POLR1A: variants seen among roughly 807,000 people sequenced by gnomAD.
POLR1A encodes the protein DNA-directed RNA polymerase I subunit RPA1.
POLR1A carries 84 observed loss-of-function variants against 205.3 expected under a neutral mutation model. The ratio of observed to expected loss-of-function variants is 0.41; its 90% confidence interval spans 0.34 to 0.49. The LOEUF is 0.49. Among genes scored for constraint, POLR1A ranks in the 20% least tolerant of loss-of-function variants. The pLI is 0.22. For missense variants in POLR1A, 1,645 were observed against 2,204.5 expected, an observed-to-expected ratio of 0.75 and a Z score of 5.08; for synonymous variants, 799 against 863.7, an observed-to-expected ratio of 0.93 and a Z score of 1.31.
At chr2:86,072,226 C>T (rs1673191462) in intron 12 of POLR1A, among the ~76,000 whole-genome samples, 2 of 152,182 alleles carry the variant, frequency 1.3e-5, no homozygotes, top group South Asian at 2.1e-4. Context: ...GAATTCAAAC[C>T]TTCCCCTCCC....
chr2:86,040,259 T>G, intron 25 of POLR1A, 133 bp downstream of exon 25: 49 of 710,284 alleles, frequency 6.9e-5, no homozygotes, highest in East Asian at 9.6e-5. Flanking sequence ...CCCACTTTAA[T>G]GAGACCCTGT....
intron 14 of POLR1A, among the ~76,000 whole-genome samples, chr2:86,062,141 T>G (rs531060586): frequency 6.6e-6 from 1 of 152,314 alleles, no homozygotes; most frequent in Admixed American, 6.5e-5. Flanking sequence ...ATCTTCTGAT[T>G]CTAAACATGG....
chr2:86,025,985 C>T lies in POLR1A; in HGVS notation c.*1438G>A, dbSNP rs977423415. On this transcript the variant is annotated 3_prime_UTR_variant, in exon 34 of 34. Transcript: ENST00000263857. The stretch of plus-strand genomic sequence containing the variant: ...CCTATTGCATGGATGTAGGGAGCAA[C>T]ATGGTCACTCTCCCTTGACAAAGCC... 2.0e-5 allele frequency: 3 copies of T among 152,256 alleles called. No homozygotes were observed. The highest frequency in any genetic ancestry group is 7.2e-5 in the African/African-American group (3 of 41,442). 9.4% of individuals were successfully genotyped at this position (152,256 alleles called of 1,614,324 possible). A position where few individuals can be genotyped will look rare whatever the true frequency, so the allele number is the denominator to read the frequency against.
intron 18 of POLR1A, among the ~76,000 whole-genome samples, chr2:86,047,778 A>AG (rs1245450479): frequency 6.6e-6 from 1 of 152,168 alleles, no homozygotes; most frequent in Non-Finnish European, 1.5e-5. Context: ...ATGCCCCTTC[A>AG]GGGGGATCCT....
At chr2:86,099,129 T>C (rs758797737) in intron 2 of POLR1A, among the ~76,000 whole-genome samples, 9 of 152,046 alleles carry the variant, frequency 5.9e-5, no homozygotes, top group Non-Finnish European at 1.3e-4. Context: ...TGAGGCCAGT[T>C]ACTTGAGGCC....
At position 86,022,844 on chromosome 2, in the gene POLR1A, T is replaced by A. The variant is rs959623348; in HGVS notation, c.*4579A>T. On this transcript the variant is annotated 3_prime_UTR_variant, in exon 34 of 34. Coordinates refer to ENST00000263857, the MANE Select transcript of POLR1A (RefSeq NM_015425.6). The stretch of plus-strand genomic sequence containing the variant: ...ATCCTCCTGCCTGAGTCTCTTAAAG[T>A]GCTGGGACTGTAAGCGTGAGCCACT... The A allele has an allele frequency of 4.6e-5, 7 of 152,148 alleles. No individual in the cohort carries two copies. The highest frequency in any genetic ancestry group is 7.2e-5 in the African/African-American group (3 of 41,418). The allele number at this position is 152,148 out of a possible 1,614,324, so 9.4% of individuals were successfully genotyped here. A position where few individuals can be genotyped will look rare whatever the true frequency, so the allele number is the denominator to read the frequency against.
intron 14 of POLR1A, among the ~76,000 whole-genome samples, chr2:86,061,806 A>G (rs1053814224): frequency 2.2e-5 from 3 of 133,480 alleles, no homozygotes; most frequent in Middle Eastern, 3.7e-3. Context: ...GTTGGAAGTC[A>G]AGTTAGTAAT....
At chr2:86,100,876 CTCA>C (rs1673807832) in intron 1 of POLR1A, among the ~76,000 whole-genome samples, 2 of 152,078 alleles carry the variant, frequency 1.3e-5, no homozygotes, top group African/African-American at 4.8e-5. Flanking sequence ...CTCTGAAATA[CTCA>C]TCACTACATG....
At chr2:86,041,825 T>A in intron 24 of POLR1A, 64 bp downstream of exon 24, 1 of 1,385,572 alleles carries the variant, frequency 7.2e-7, no homozygotes, top group Non-Finnish European at 1.0e-6. Context: ...GGGCAGGGGC[T>A]AGGAGGCAGG....
intron 14 of POLR1A, among the ~76,000 whole-genome samples, chr2:86,060,446 G>C (rs551970714): frequency 6.6e-6 from 1 of 152,222 alleles, no homozygotes; most frequent in African/African-American, 2.4e-5. Flanking sequence ...TTTACTATCA[G>C]AAGTCAAGAT....
At position 86,027,435 on chromosome 2, in the gene POLR1A, C is replaced by T. The variant is rs372394583; in HGVS notation, c.5151G>A (p.Gln1717=). The T allele has an allele frequency of 3.7e-6, 6 of 1,614,056 alleles. No individual in the cohort carries two copies. In the Admixed American group the frequency reaches 8.3e-5, roughly 22 times the overall value. ...GCCGGGGTAGCTGCTATCTCAGAGG[C>T]TGCTTGAGCTCGAACAGGCCTGTCC... is the stretch of plus-strand genomic sequence containing the variant. The part of the protein sequence containing the change: ...RGGTGLFELK[Q]PLR The change falls in exon 34 of 34, where the codon CAG becomes CAA. Residue 1717 remains glutamine, a synonymous_variant. Transcript: ENST00000263857.
At chr2:86,046,298 A>T (rs1044270030) in intron 19 of POLR1A, among the ~76,000 whole-genome samples, 14 of 145,358 alleles carry the variant, frequency 9.6e-5, no homozygotes, top group African/African-American at 4.0e-4. Context: ...ACAAAACACA[A>T]CAACAACAAC....
rs1222835759 is a variant in POLR1A at position 86,077,809 on chromosome 2, GCGCACA to G, written c.1380+44_1380+49del. ...GAGCAAATGAGCCCTGCACGCGCGCGCGCACACACACACACACACACACACACACAC... is the reference window on the plus strand; with the variant it reads ...GAGCAAATGAGCCCTGCACGCGCGCGCACACACACACACACACACACACAC... On this transcript the variant is annotated intron_variant, in intron 11 of 33. Transcript: ENST00000263857. The G allele has an allele frequency of 7.4e-3, 9,639 of 1,299,664 alleles. 633 individuals are homozygous for G. The highest frequency in any genetic ancestry group is 0.049 in the African/African-American group (3,144 of 64,546). 80.5% of individuals were successfully genotyped at this position (1,299,664 alleles called of 1,614,324 possible). A position where few individuals can be genotyped will look rare whatever the true frequency, so the allele number is the denominator to read the frequency against.
intron 27 of POLR1A, among the ~76,000 whole-genome samples, chr2:86,035,716 C>T (rs1672482651): frequency 6.6e-6 from 1 of 152,210 alleles, no homozygotes; most frequent in African/African-American, 2.4e-5. Context: ...CTGCCAGTAA[C>T]TTCCCTGGCC....
At chr2:86,100,535 CTTT>C (rs568031636) in intron 1 of POLR1A, among the ~76,000 whole-genome samples, 4 of 137,592 alleles carry the variant, frequency 2.9e-5, no homozygotes, top group Non-Finnish European at 4.8e-5. Flanking sequence ...ATTATTCTGT[CTTT>C]TTTTTTTTTT....
At position 86,045,352 on chromosome 2, in the gene POLR1A, G is replaced by A. The variant is rs1253832222; in HGVS notation, c.2895C>T (p.Phe965=). The A allele has an allele frequency of 6.2e-7, 1 of 1,612,948 alleles. No individual in the cohort carries two copies. The highest frequency in any genetic ancestry group is 1.7e-5 in the Admixed American group (1 of 60,012). Residue 965 remains phenylalanine, a synonymous_variant, in exon 21 of 34, where the codon TTC becomes TTT. Transcript: ENST00000263857. ...CCTCTCGTCCTGCCATGCAGTGGAA[G>A]AAGAACTCCTGCAGAGAATGGGACC... ...FLTGIKPPEF[F]FHCMAGREGL... is the part of the protein sequence containing the mutation.
rs1672556168 is a variant in POLR1A at position 86,039,321 on chromosome 2, C to T, written c.3876+6G>A. 4 of 1,613,716 alleles carry T rather than the reference C, an allele frequency of 2.5e-6. No homozygotes were observed. Among genetic ancestry groups the T allele is most frequent in the Non-Finnish European group, 2.5e-6 (3 of 1,179,958 alleles). On this transcript the variant is annotated splice_donor_region_variant and intron_variant, in intron 26 of 33. Coordinates refer to ENST00000263857, the MANE Select transcript of POLR1A (RefSeq NM_015425.6). Reference sequence around the variant, plus strand: ...CCGTCTGCAACCTGGGAAGGAGAGACGTTACCTCCCCCAAGCACACCCTGG... The same window carrying T: ...CCGTCTGCAACCTGGGAAGGAGAGATGTTACCTCCCCCAAGCACACCCTGG...
At chr2:86,093,640 C>G (rs111862104) in intron 3 of POLR1A, among the ~76,000 whole-genome samples, 1 of 152,082 alleles carries the variant, frequency 6.6e-6, no homozygotes, top group East Asian at 1.9e-4. Flanking sequence ...CCAGCCCGGC[C>G]AAAACAGCAA....
rs1672831241 is a variant in POLR1A at position 86,052,950 on chromosome 2, G to A, written c.2259C>T (p.His753=). 1.2e-6 allele frequency: 2 copies of A among 1,608,608 alleles called. No individual in the cohort carries two copies. The highest frequency in any genetic ancestry group is 1.7e-6 in the Non-Finnish European group (2 of 1,177,262). The part of the protein sequence containing the change: ...ELLCGVLDKA[H]YGSSAYGLVH... Reference sequence around the variant, plus strand: ...CCAGGCCGTAGGCGGAGCTCCCATAGTGCGCCTTGTCCAGCACTCCGCAGA... The same window carrying A: ...CCAGGCCGTAGGCGGAGCTCCCATAATGCGCCTTGTCCAGCACTCCGCAGA... Residue 753 remains histidine, a synonymous_variant, in exon 16 of 34, where the codon CAC becomes CAT. Coordinates refer to ENST00000263857, the MANE Select transcript of POLR1A (RefSeq NM_015425.6).
Sources: allele counts gnomAD v4.1 joint callset (sites outside exome capture counted in the v4.1 genomes callset), GRCh38; gene constraint gnomAD v4.1.1; transcripts MANE v1.5; gene names NCBI Gene and HGNC (gene_info 2026-07-23, HGNC 2026-07-21).